The following SUN5 variants were observed in gnomAD, a reference collection of about 807,000 sequenced individuals.
SUN5 encodes the protein Sad1 and UNC84 domain containing 5.
SUN5 carries 44 observed loss-of-function variants against 53.7 expected under a neutral mutation model. The observed-to-expected ratio is 0.82, with a 90% CI of 0.64 to 1.05. The LOEUF (loss-of-function observed/expected upper bound fraction) is 1.05. Ranked by LOEUF, SUN5 falls within the 50% of genes least tolerant of loss-of-function variation. The pLI, the probability that SUN5 is intolerant of heterozygous loss-of-function variation, is 0.00. For missense variants in SUN5, 433 were observed against 483.8 expected, an observed-to-expected ratio of 0.90 and a Z score of 0.98; for synonymous variants, 166 against 179.8, an observed-to-expected ratio of 0.92 and a Z score of 0.62.
Position 33,004,415 on chromosome 20 carries a change from T to G in SUN5, c.-75A>C. 1 of 1,467,730 alleles carries G rather than the reference T, an allele frequency of 6.8e-7. No homozygotes were observed. Among genetic ancestry groups the G allele is most frequent in the Non-Finnish European group, 9.0e-7 (1 of 1,105,692 alleles). The allele number at this position is 1,467,730 out of a possible 1,614,324, so 90.9% of individuals were successfully genotyped here. On this transcript the variant is annotated 5_prime_UTR_variant, in exon 1 of 13. Transcript: ENST00000356173. ...GTGAGGAGGAAGGGGCTGATGCCTC[T>G]GAATGTCCCCTGAAAAGTGCCAAGT...
chr20:33,003,445 C>G (rs1433704018), intron 1 of SUN5, among the ~76,000 whole-genome samples: 1 of 152,046 alleles, frequency 6.6e-6, no homozygotes, highest in African/African-American at 2.4e-5. Flanking sequence ...ACTGTGGTGG[C>G]CATCTTGTGA....
intron 12 of SUN5, among the ~76,000 whole-genome samples, chr20:32,984,252 G>T (rs995977279): frequency 6.6e-6 from 1 of 152,172 alleles, no homozygotes; most frequent in African/African-American, 2.4e-5. Flanking sequence ...TGCCCCGCCC[G>T]TAAGATGGGA....
chr20:33,002,922 G>A lies in SUN5; in HGVS notation c.78-3C>T. On this transcript the variant is annotated splice_polypyrimidine_tract_variant and splice_region_variant and intron_variant, in intron 1 of 12. Transcript: ENST00000356173. ...TGTTCCGGCCTCGCTGGGCAATCCT[G>A]GGGATGATAAGATTCATAGTCGCAT... 6.2e-7 allele frequency: 1 copy of A among 1,614,126 alleles called. No homozygotes were observed. The highest frequency in any genetic ancestry group is 1.3e-5 in the African/African-American group (1 of 75,046).
chr20:32,988,105 C>G (rs186178451), intron 9 of SUN5, among the ~76,000 whole-genome samples: 12 of 152,198 alleles, frequency 7.9e-5, no homozygotes, highest in African/African-American at 2.9e-4. Context: ...GTGGTGGCAA[C>G]GGCCCCCACG....
chr20:32,984,426 G>C (rs183917139), intron 12 of SUN5, among the ~76,000 whole-genome samples: 1 of 152,290 alleles, frequency 6.6e-6, no homozygotes, highest in African/African-American at 2.4e-5. Flanking sequence ...CCAAGCAAGA[G>C]GGGGTGGAGC....
chr20:32,992,288 T>G (rs139823865), intron 8 of SUN5, among the ~76,000 whole-genome samples: 1 of 152,192 alleles, frequency 6.6e-6, no homozygotes, highest in Admixed American at 6.5e-5. Flanking sequence ...TAATCCCCAA[T>G]TGAGAACCAC....
At chr20:32,992,440 A>T (rs890041368) in intron 8 of SUN5, among the ~76,000 whole-genome samples, 2 of 151,872 alleles carry the variant, frequency 1.3e-5, no homozygotes, top group Admixed American at 6.6e-5. Flanking sequence ...TTCCCTGGGG[A>T]CTCCCTCTCA....
intron 7 of SUN5, 134 bp from the exon 8 acceptor site, chr20:32,995,861 A>G (rs770358100): frequency 2.3e-5 from 17 of 740,856 alleles, no homozygotes; most frequent in Non-Finnish European, 3.8e-5. Context: ...CCATCCCTGG[A>G]CCCATTCATC....
At chr20:32,989,980 A>G (rs747782741) in intron 8 of SUN5, among the ~76,000 whole-genome samples, 64 of 152,216 alleles carry the variant, frequency 4.2e-4, no homozygotes, top group African/African-American at 1.4e-3. Flanking sequence ...CGTCAGGCCA[A>G]CTTTTACTGT....
At chr20:32,989,877 C>G (rs1288685831) in intron 8 of SUN5, among the ~76,000 whole-genome samples, 179 bp from the exon 9 acceptor site, 3 of 152,132 alleles carry the variant, frequency 2.0e-5, no homozygotes, top group Non-Finnish European at 4.4e-5. Flanking sequence ...ATCCTGACCC[C>G]ACCCTGGGTT....
At chr20:32,986,423 G>T (rs971885237) in intron 10 of SUN5, among the ~76,000 whole-genome samples, 1 of 152,196 alleles carries the variant, frequency 6.6e-6, no homozygotes, top group Admixed American at 6.5e-5. Flanking sequence ...CAGGCCCAGG[G>T]AGAGAAAGAG....
At position 33,002,875 on chromosome 20, in the gene SUN5, G is replaced by T. The variant is rs1463118268; in HGVS notation, c.122C>A (p.Thr41Asn). Residue 41 changes from threonine to asparagine, a missense_variant, in exon 2 of 13, where the codon ACC becomes AAC. Thr to Asn is a moderately conservative substitution (Grantham distance 65). Coordinates refer to ENST00000356173, the MANE Select transcript of SUN5 (RefSeq NM_080675.4). ...TCCTTGCTCACTCATGTTTGGGGAG[G>T]TGTCCTCTGCCATCCTGCTGGTGTT... Reference protein sequence around the residue: ...GRNTSRMAEDTSPNMNDNILL... With the variant: ...GRNTSRMAEDNSPNMNDNILL... The T allele has an allele frequency of 6.2e-7, 1 of 1,614,130 alleles. No individual in the cohort carries two copies. The highest frequency in any genetic ancestry group is 8.5e-7 in the Non-Finnish European group (1 of 1,180,034).
At position 33,004,295 on chromosome 20, in the gene SUN5, C is replaced by T. The variant is rs3746387; in HGVS notation, c.46G>A (p.Glu16Lys). 49 of 1,579,220 alleles carry T rather than the reference C, an allele frequency of 3.1e-5. No individual in the cohort carries two copies. In the East Asian group the frequency reaches 9.0e-4, roughly 29 times the overall value. ...GGTCTGGGATTGTGGGCCACATCTT[C>T]GAGTAGGGCGCCTGGGTCCCCAGGG... is the stretch of plus-strand genomic sequence containing the variant. ...RSPGDPGALL[E>K]DVAHNPRPRR... is the part of the protein sequence containing the mutation. Residue 16 changes from glutamate (E) to lysine (K), a missense_variant, in exon 1 of 13, where the codon GAA becomes AAA. Glu to Lys is a moderately conservative substitution (Grantham distance 56). Transcript: ENST00000356173.
intron 3 of SUN5, 136 bp from the exon 4 acceptor site, chr20:33,001,414 CAGAA>C: frequency 6.5e-6 from 6 of 920,698 alleles, no homozygotes; most frequent in Non-Finnish European, 8.4e-6. Flanking sequence ...GAGCCTGGGA[CAGAA>C]CCAGGCTCTG....
At chr20:32,998,234 G>A (rs117113782) in intron 5 of SUN5, among the ~76,000 whole-genome samples, 4,714 of 149,232 alleles carry the variant, frequency 0.032, 102 homozygotes, top group Non-Finnish European at 0.048. Flanking sequence ...CACGTCTATA[G>A]TCCCAGCTAC....
chr20:33,003,033 A>ACAC (rs1265876728), intron 1 of SUN5, 114 bp from the exon 2 acceptor site: 9 of 1,200,750 alleles, frequency 7.5e-6, no homozygotes, highest in Non-Finnish European at 1.1e-5. Flanking sequence ...AGGTTTCCCA[A>ACAC]CACCACCAGC....
rs765912787 is a variant in SUN5, at chr20:33,001,507, T to TTTTCTTTCTTTCTTC, written c.212-244_212-230dup. On this transcript the variant is annotated intron_variant, in intron 3 of 12. Coordinates refer to ENST00000356173, the MANE Select transcript of SUN5 (RefSeq NM_080675.4). ...GGTTGCCACTGGCAGTTAACAGACA[T>TTTTCTTTCTTTCTTC]TTTCTTTCTTTCTTCTTTCTTTCTT... 2.5e-3 allele frequency among the ~76,000 whole-genome samples: 69 copies of TTTTCTTTCTTTCTTC among 27,066 alleles called. 1 individual carries two copies. Among genetic ancestry groups the TTTTCTTTCTTTCTTC allele is most frequent in the East Asian group, 0.018 (57 of 3,084 alleles). The allele number at this position is 27,066 out of a possible 152,430, so 17.8% of individuals were successfully genotyped here. A position where few individuals can be genotyped will look rare whatever the true frequency, so the allele number is the denominator to read the frequency against.
rs61664842 is a variant in SUN5, at chr20:32,997,063, A to G, written c.390+575T>C. On this transcript the variant is annotated intron_variant, in intron 6 of 12. Transcript: ENST00000356173. ...TATCGGAGGAAAGAGGAATGTGACA[A>G]CTTCTGCCTGGGTGTTTCTAGAGGA... Among the ~76,000 whole-genome samples, 895 of 152,300 alleles carry G rather than the reference A, an allele frequency of 5.9e-3. 9 individuals are homozygous for G. Among genetic ancestry groups the G allele is most frequent in the African/African-American group, 0.02 (848 of 41,568 alleles).
chr20:32,992,328 C>T (rs221973), intron 8 of SUN5, among the ~76,000 whole-genome samples: 52,385 of 151,988 alleles, frequency 0.34, 9,711 homozygotes, highest in East Asian at 0.79. Flanking sequence ...AATCTGAATC[C>T]GAAACTGGCC....
Sources: allele counts gnomAD v4.1 joint callset (sites outside exome capture counted in the v4.1 genomes callset), GRCh38; gene constraint gnomAD v4.1.1; transcripts MANE v1.5; gene names NCBI Gene and HGNC (gene_info 2026-07-23, HGNC 2026-07-21).